The following PON3 variants were observed in gnomAD, a reference collection of about 807,000 sequenced individuals.
PON3 encodes paraoxonase 3.
In PON3, 37 loss-of-function variants were observed where a neutral mutation model predicts 36.3. That is an observed-to-expected ratio of 1.02 (90% CI 0.78 to 1.34). The LOEUF (loss-of-function observed/expected upper bound fraction) is 1.34, where lower values mean the gene tolerates loss of function less well. Among genes scored for constraint, PON3 ranks in the 40% most tolerant of loss-of-function variants. PON3 has a pLI of 0.00. For missense variants in PON3, 415 were observed against 426.5 expected (o/e 0.97, Z 0.24); for synonymous variants, 155 against 154.8 (o/e 1.00, Z -0.01).
intron 2 of PON3, among the ~76,000 whole-genome samples, chr7:95,393,056 C>A (rs1029020915): frequency 5.9e-5 from 9 of 152,192 alleles, no homozygotes; most frequent in African/African-American, 1.9e-4. Flanking sequence ...GCTGCTAGCA[C>A]AAACCACCTC....
intron 2 of PON3, among the ~76,000 whole-genome samples, chr7:95,392,461 C>T (rs1809339430): frequency 6.6e-6 from 1 of 152,144 alleles, no homozygotes; most frequent in Non-Finnish European, 1.5e-5. Flanking sequence ...TGATTATTTG[C>T]AGGCTTATAT....
chr7:95,362,226 AACTTT>A, intron 8 of PON3, 131 bp downstream of exon 8: 1 of 1,158,624 alleles, frequency 8.6e-7, no homozygotes, highest in East Asian at 2.5e-5. Context: ...ACCTGTCAAA[AACTTT>A]ACTTTTCTCA....
intron 3 of PON3, among the ~76,000 whole-genome samples, chr7:95,382,192 C>T (rs1026998106): frequency 6.6e-6 from 1 of 152,190 alleles, no homozygotes; most frequent in African/African-American, 2.4e-5. Context: ...CCCTGGGACA[C>T]ATTTAAAGCA....
At chr7:95,383,064 A>G (rs1192082461) in intron 3 of PON3, among the ~76,000 whole-genome samples, 5 of 152,226 alleles carry the variant, frequency 3.3e-5, no homozygotes, top group Non-Finnish European at 7.3e-5. Flanking sequence ...AAATCAATAA[A>G]TGTAATTCGG....
At chr7:95,373,613 A>C (rs889012083) in intron 3 of PON3, among the ~76,000 whole-genome samples, 2 of 152,094 alleles carry the variant, frequency 1.3e-5, no homozygotes, top group Non-Finnish European at 2.9e-5. Flanking sequence ...CTTCCTTATC[A>C]CATTCTGTGC....
At chr7:95,384,511 A>G (rs1809142350) in intron 3 of PON3, among the ~76,000 whole-genome samples, 1 of 151,668 alleles carries the variant, frequency 6.6e-6, no homozygotes, top group South Asian at 2.1e-4. Flanking sequence ...TTTACAAGAA[A>G]AAAACACCCC....
chr7:95,380,584 G>A (rs1304418363), intron 3 of PON3, among the ~76,000 whole-genome samples: 1 of 152,242 alleles, frequency 6.6e-6, no homozygotes, highest in Non-Finnish European at 1.5e-5. Context: ...ATTCGATCAA[G>A]TGGAAGAAAG....
intron 6 of PON3, 145 bp from the exon 7 acceptor site, chr7:95,362,986 G>A: frequency 1.5e-6 from 1 of 674,802 alleles, no homozygotes. Context: ...GAAGATAATG[G>A]GGTAGTATTT....
chr7:95,379,488 T>A (rs1444921615), intron 3 of PON3, among the ~76,000 whole-genome samples: 1 of 152,168 alleles, frequency 6.6e-6, no homozygotes, highest in African/African-American at 2.4e-5. Flanking sequence ...ACCTGGAAAA[T>A]CAGGTCACTC....
chr7:95,378,558 G>A (rs977708184), intron 3 of PON3, among the ~76,000 whole-genome samples: 5 of 152,094 alleles, frequency 3.3e-5, no homozygotes, highest in South Asian at 2.1e-4. Flanking sequence ...CTGATCTCTC[G>A]GCACAAACCC....
chr7:95,362,852 A>G lies in PON3; in HGVS notation c.696-11T>C. 1 of 1,589,374 alleles carries G rather than the reference A, an allele frequency of 6.3e-7. No individual in the cohort carries two copies. Among genetic ancestry groups the G allele is most frequent in the Non-Finnish European group, 8.6e-7 (1 of 1,157,996 alleles). On this transcript the variant is annotated splice_polypyrimidine_tract_variant and intron_variant, in intron 6 of 8. Transcript: ENST00000265627. ...GCTACATAGACATACCTTTGAAGTA[A>G]ATGACATTTACACTTAAGCAAGTGG...
At chr7:95,373,803 T>C (rs183296189) in intron 3 of PON3, among the ~76,000 whole-genome samples, 3 of 152,238 alleles carry the variant, frequency 2.0e-5, no homozygotes, top group Admixed American at 2.0e-4. Flanking sequence ...CTAAATTTAT[T>C]TCATTATCTT....
chr7:95,367,154 C>G (rs1228957470), intron 5 of PON3, among the ~76,000 whole-genome samples: 2 of 152,162 alleles, frequency 1.3e-5, no homozygotes, highest in African/African-American at 4.8e-5. Context: ...TTTCAAAATG[C>G]TCGAAAATAT....
chr7:95,374,953 G>T (rs938351559), intron 3 of PON3, among the ~76,000 whole-genome samples: 1 of 151,928 alleles, frequency 6.6e-6, no homozygotes, highest in African/African-American at 2.4e-5. Context: ...TTTATATCAA[G>T]GACTTTCAAG....
Position 95,363,846 on chromosome 7 carries a change from T to C in PON3, c.695+17A>G. Reference sequence around the variant, plus strand: ...ATGTCAAGGGCAAAGGATAGAAAAATACACAAAAGAGCTTACTTCTGGTCT... The same window carrying C: ...ATGTCAAGGGCAAAGGATAGAAAAACACACAAAAGAGCTTACTTCTGGTCT... On this transcript the variant is annotated intron_variant, in intron 6 of 8. Transcript: ENST00000265627. 2 of 1,608,594 alleles carry C rather than the reference T, an allele frequency of 1.2e-6. No individual in the cohort carries two copies.
chr7:95,394,664 C>CAAA lies in PON3; in HGVS notation c.124_125insTTT (p.Asn41_Cys42insPhe). On this transcript the variant is annotated inframe_insertion, in exon 2 of 9. Transcript: ENST00000265627. ...CATACCAAGTTCCTCAATAAGGTGG[C>CAAA]AGTTTTCAGGTTCTACTGGCTCCAC... The CAAA allele has an allele frequency of 6.2e-7, 1 of 1,614,088 alleles. No individual in the cohort carries two copies. The highest frequency in any genetic ancestry group is 8.5e-7 in the Non-Finnish European group (1 of 1,179,964).
intron 8 of PON3, 98 bp from the exon 9 acceptor site, chr7:95,360,229 A>G (rs1345736723): frequency 2.5e-6 from 3 of 1,203,324 alleles, no homozygotes; most frequent in Admixed American, 1.7e-5. Flanking sequence ...TTTTTCAGAA[A>G]TCAGAAGCTA....
intron 2 of PON3, among the ~76,000 whole-genome samples, chr7:95,394,088 T>C (rs17878448): frequency 6.6e-6 from 1 of 151,874 alleles, no homozygotes; most frequent in Non-Finnish European, 1.5e-5. Flanking sequence ...TTAGTAGAGA[T>C]GGGGTTTCAC....
chr7:95,376,290 C>T (rs988419836), intron 3 of PON3, among the ~76,000 whole-genome samples: 8 of 152,192 alleles, frequency 5.3e-5, no homozygotes, highest in Admixed American at 1.3e-4. Flanking sequence ...CAAAGAGAAG[C>T]ATGTCAAGTC....
Sources: allele counts gnomAD v4.1 joint callset (sites outside exome capture counted in the v4.1 genomes callset), GRCh38; gene constraint gnomAD v4.1.1; transcripts MANE v1.5; gene names NCBI Gene and HGNC (gene_info 2026-07-23, HGNC 2026-07-21).